The following SLC17A5 variants were observed in gnomAD, a reference collection of about 807,000 sequenced individuals.
SLC17A5 encodes the protein solute carrier family 17 member 5.
SLC17A5 carries 47 observed loss-of-function variants against 59.4 expected under a neutral mutation model. The ratio of observed to expected loss-of-function variants is 0.79; its 90% CI spans 0.63 to 1.01. The LOEUF (loss-of-function observed/expected upper bound fraction) is 1.01, where lower values mean the gene tolerates loss of function less well. Among genes scored for constraint, SLC17A5 ranks in the 50% least tolerant of loss-of-function variants. The pLI is 0.00. For missense variants in SLC17A5, 522 were observed against 595.5 expected, an observed-to-expected ratio of 0.88 and a Z score of 1.28; for synonymous variants, 202 against 210.7, an observed-to-expected ratio of 0.96 and a Z score of 0.36.
intron 9 of SLC17A5, among the ~76,000 whole-genome samples, chr6:73,609,428 T>C (rs1158527971): frequency 2.6e-5 from 4 of 152,222 alleles, no homozygotes; most frequent in African/African-American, 9.6e-5. Context: ...AGGGCAAAAA[T>C]ACTTACTTCA....
intron 10 of SLC17A5, among the ~76,000 whole-genome samples, chr6:73,596,041 A>G (rs960651447): frequency 1.4e-4 from 22 of 151,754 alleles, no homozygotes; most frequent in African/African-American, 4.8e-4. Context: ...CCTGGGCTCA[A>G]GTGATCCACT....
Position 73,613,405 on chromosome 6 carries a change from G to C in SLC17A5, c.1111+1910C>G, listed in dbSNP as rs188658758. On this transcript the variant is annotated intron_variant, in intron 8 of 10. Transcript: ENST00000355773. ...TTTTGAGACAGGATCTCACTCTGTT[G>C]CCCAGGCTGGAGTGCAGTGGCGCGA... Among the ~76,000 whole-genome samples the C allele has an allele frequency of 9.0e-4, 136 of 151,246 alleles. 1 individual carries two copies. Among genetic ancestry groups the C allele is most frequent in the East Asian group, 7.2e-3 (37 of 5,146 alleles).
chr6:73,599,083 G>A (rs1487273337), intron 10 of SLC17A5, among the ~76,000 whole-genome samples: 15 of 152,296 alleles, frequency 9.8e-5, no homozygotes, highest in Non-Finnish European at 5.9e-5. Context: ...CTGGGAGGCT[G>A]AGGCAGGAGA....
At chr6:73,627,631 ATTT>A (rs10586058) in intron 6 of SLC17A5, among the ~76,000 whole-genome samples, 93 of 143,474 alleles carry the variant, frequency 6.5e-4, no homozygotes, top group African/African-American at 2.0e-3. Context: ...TTATGAAAGC[ATTT>A]TTTTTTTTTT....
At chr6:73,651,261 G>GACCA (rs1271131675) in intron 1 of SLC17A5, among the ~76,000 whole-genome samples, 1 of 151,888 alleles carries the variant, frequency 6.6e-6, no homozygotes, top group African/African-American at 2.4e-5. Context: ...AGAAGTTAGA[G>GACCA]ACCAGCCTTG....
In SLC17A5 at chr6:73,615,463, A is replaced by G; in HGVS notation, c.979-16T>C. 1.2e-6 allele frequency: 2 copies of G among 1,613,584 alleles called. No individual in the cohort carries two copies. The highest frequency in any genetic ancestry group is 1.1e-5 in the South Asian group (1 of 91,064). On this transcript the variant is annotated splice_polypyrimidine_tract_variant and intron_variant, in intron 7 of 10. Transcript: ENST00000355773. ...AAAACCCATTCTGGAAGGAATAAGA[A>G]GATACAGGATTAATTACGGTGAGAG...
intron 6 of SLC17A5, among the ~76,000 whole-genome samples, chr6:73,629,217 G>A (rs1423853401): frequency 6.6e-6 from 1 of 151,890 alleles, no homozygotes; most frequent in Non-Finnish European, 1.5e-5. Flanking sequence ...GCAAAACCCT[G>A]TCTCTACAAA....
At chr6:73,624,235 C>A (rs1561993581) in intron 6 of SLC17A5, among the ~76,000 whole-genome samples, 1 of 151,734 alleles carries the variant, frequency 6.6e-6, no homozygotes, top group East Asian at 2.0e-4. Flanking sequence ...GAAACCCTGT[C>A]TCTACTAAAA....
At chr6:73,601,725 C>G (rs1175235998) in intron 9 of SLC17A5, among the ~76,000 whole-genome samples, 1 of 119,324 alleles carries the variant, frequency 8.4e-6, no homozygotes, top group African/African-American at 3.4e-5. Context: ...CCGCCCCGTC[C>G]GGGAGGTGAG....
chr6:73,628,027 C>T (rs12213067), intron 6 of SLC17A5, among the ~76,000 whole-genome samples: 2 of 151,618 alleles, frequency 1.3e-5, no homozygotes, highest in African/African-American at 4.9e-5. Context: ...TCTAGTGATC[C>T]TCTCACCTCA....
At chr6:73,618,450 G>C in intron 7 of SLC17A5, 1 of 380,008 alleles carries the variant, frequency 2.6e-6, no homozygotes, top group Non-Finnish European at 4.9e-6. Context: ...TGGATGTGAA[G>C]TGCCCAGGAC....
intron 1 of SLC17A5, among the ~76,000 whole-genome samples, chr6:73,647,682 G>T (rs1382575716): frequency 6.6e-6 from 1 of 152,046 alleles, no homozygotes; most frequent in Non-Finnish European, 1.5e-5. Flanking sequence ...TAAGTAAAAT[G>T]ATTTCAAATT....
intron 9 of SLC17A5, among the ~76,000 whole-genome samples, chr6:73,606,306 G>A (rs940727602): frequency 6.6e-6 from 1 of 152,114 alleles, no homozygotes; most frequent in Non-Finnish European, 1.5e-5. Context: ...GCCTCCCAAA[G>A]TGCTGGGATT....
intron 4 of SLC17A5, among the ~76,000 whole-genome samples, chr6:73,637,517 A>G (rs1581984119): frequency 6.6e-6 from 1 of 151,952 alleles, no homozygotes; most frequent in Non-Finnish European, 1.5e-5. Flanking sequence ...AACAATCTAC[A>G]TTTTTTCCTG....
At chr6:73,633,201 G>C (rs539980464) in intron 6 of SLC17A5, among the ~76,000 whole-genome samples, 7 of 146,362 alleles carry the variant, frequency 4.8e-5, no homozygotes, top group Non-Finnish European at 1.0e-4. Context: ...TTTTTTGCTG[G>C]GAAGACTCAG....
chr6:73,614,110 T>TA (rs1420834756), intron 8 of SLC17A5, among the ~76,000 whole-genome samples: 1 of 151,876 alleles, frequency 6.6e-6, no homozygotes, highest in East Asian at 1.9e-4. Context: ...CAGTAAAAAT[T>TA]AAAAAATTAG....
At chr6:73,642,045 C>T (rs939652137) in intron 2 of SLC17A5, 121 bp from the exon 3 acceptor site, 1 of 843,802 alleles carries the variant, frequency 1.2e-6, no homozygotes, top group African/African-American at 1.7e-5. Context: ...GACTGAAGAA[C>T]ATGCAAACTT....
At chr6:73,614,522 C>T (rs1224265312) in intron 8 of SLC17A5, among the ~76,000 whole-genome samples, 2 of 152,150 alleles carry the variant, frequency 1.3e-5, no homozygotes, top group Non-Finnish European at 2.9e-5. Context: ...CTTTTGTATG[C>T]TAATGAGACA....
chr6:73,650,523 A>G (rs1454447131), intron 1 of SLC17A5, among the ~76,000 whole-genome samples: 1 of 150,502 alleles, frequency 6.6e-6, no homozygotes, highest in East Asian at 1.9e-4. Context: ...AAAAAAAAAA[A>G]AAAAAAAAGA....
Sources: allele counts gnomAD v4.1 joint callset (sites outside exome capture counted in the v4.1 genomes callset), GRCh38; gene constraint gnomAD v4.1.1; transcripts MANE v1.5; gene names NCBI Gene and HGNC (gene_info 2026-07-23, HGNC 2026-07-21).